SLC14A2: variants seen among roughly 807,000 people sequenced by gnomAD.
SLC14A2 encodes the protein urea transporter 2.
Under a neutral mutation model 104.6 loss-of-function variants are expected in SLC14A2, and 91 were observed. That is an observed-to-expected ratio of 0.87 (90% confidence interval 0.73 to 1.04). The LOEUF is 1.04. SLC14A2 is among the 50% of genes least tolerant of loss of function. The pLI, the probability that SLC14A2 is intolerant of heterozygous loss-of-function variation, is 0.00. For synonymous variants in SLC14A2, 476 were observed against 466.4 expected, an observed-to-expected ratio of 1.02 and a Z score of -0.27; for missense variants, 1,189 against 1,156.0, an observed-to-expected ratio of 1.03 and a Z score of -0.41.
At chr18:45,517,196 T>C (rs968363261) in intron 2 of SLC14A2, among the ~76,000 whole-genome samples, 1 of 152,190 alleles carries the variant, frequency 6.6e-6, no homozygotes, top group African/African-American at 2.4e-5. Context: ...TTCCCACAGA[T>C]TCATCTGCCT....
At chr18:45,277,546 C>T (rs955563748) in intron 1 of SLC14A2, among the ~76,000 whole-genome samples, 26 of 152,218 alleles carry the variant, frequency 1.7e-4, no homozygotes, top group African/African-American at 5.5e-4. Context: ...GTAGCTGGTA[C>T]TATAGGCATA....
At chr18:45,416,192 A>T (rs2086274972) in intron 1 of SLC14A2, among the ~76,000 whole-genome samples, 1 of 151,402 alleles carries the variant, frequency 6.6e-6, no homozygotes, top group African/African-American at 2.4e-5. Flanking sequence ...TCTTTTTTTA[A>T]GGCAGCACTG....
chr18:45,491,820 G>T (rs994173008), intron 2 of SLC14A2, among the ~76,000 whole-genome samples: 2 of 152,202 alleles, frequency 1.3e-5, no homozygotes, highest in Non-Finnish European at 2.9e-5. Flanking sequence ...GGGGTCATTT[G>T]TGGAAAGAGC....
chr18:45,319,107 C>T (rs1196206094), intron 1 of SLC14A2, among the ~76,000 whole-genome samples: 1 of 152,156 alleles, frequency 6.6e-6, no homozygotes, highest in Admixed American at 6.5e-5. Context: ...AATTTCTGCC[C>T]ACCTTTGACC....
At chr18:45,386,395 C>T (rs1241068798) in intron 1 of SLC14A2, among the ~76,000 whole-genome samples, 1 of 152,168 alleles carries the variant, frequency 6.6e-6, no homozygotes, top group African/African-American at 2.4e-5. Flanking sequence ...TCTTCTAGAA[C>T]TCAAAGACCG....
intron 1 of SLC14A2, among the ~76,000 whole-genome samples, chr18:45,364,360 T>C (rs1447664978): frequency 6.6e-6 from 1 of 152,224 alleles, no homozygotes; most frequent in Non-Finnish European, 1.5e-5. Context: ...TATCTCAAAA[T>C]GTCACTATAC....
chr18:45,643,207 A>AC, intron 9 of SLC14A2, 26 bp downstream of exon 9: 5 of 1,604,824 alleles, frequency 3.1e-6, no homozygotes, highest in Non-Finnish European at 4.3e-6. Context: ...CCTGAACACT[A>AC]CCCCAAAGTG....
intron 2 of SLC14A2, among the ~76,000 whole-genome samples, chr18:45,589,752 T>A (rs1261439355): frequency 6.6e-6 from 1 of 152,208 alleles, no homozygotes; most frequent in African/African-American, 2.4e-5. Flanking sequence ...TACTGTCGTT[T>A]CAGACTAACT....
At chr18:45,639,664 G>A (rs2045485650) in intron 6 of SLC14A2, 82 bp from the exon 7 acceptor site, 13 of 1,414,282 alleles carry the variant, frequency 9.2e-6, no homozygotes, top group Non-Finnish European at 1.3e-5. Context: ...ACTCCCCCGA[G>A]GAATGGCTCA....
intron 1 of SLC14A2, among the ~76,000 whole-genome samples, chr18:45,299,720 C>A (rs954701486): frequency 2.6e-5 from 4 of 152,192 alleles, no homozygotes; most frequent in Admixed American, 6.5e-5. Context: ...CCTTGGCCTC[C>A]CAAAGTGCTG....
At chr18:45,390,518 G>A (rs2543010) in intron 1 of SLC14A2, among the ~76,000 whole-genome samples, 104,404 of 152,056 alleles carry the variant, frequency 0.69, 36,564 homozygotes, top group East Asian at 0.88. Flanking sequence ...CACCTAATAA[G>A]TACCAGATAT....
chr18:45,282,930 A>G (rs549494614), intron 1 of SLC14A2, among the ~76,000 whole-genome samples: 1 of 152,300 alleles, frequency 6.6e-6, no homozygotes, highest in South Asian at 2.1e-4. Flanking sequence ...TCAAAAGAAT[A>G]CAAAATCATT....
At position 45,625,841 on chromosome 18, in the gene SLC14A2, G is replaced by T. The variant is rs1228702696; in HGVS notation, c.309G>T (p.Lys103Asn). ...TGGGCTACCTCACGGGCGACATGAA[G>T]GAGTACAGGATCTGGCTGAAAGGTA... is the stretch of plus-strand genomic sequence containing the variant. ...KAVGYLTGDM[K>N]EYRIWLKDKH... is the part of the protein sequence containing the mutation. Residue 103 changes from lysine to asparagine, a missense_variant, in exon 3 of 20, where the codon AAG becomes AAT. Coordinates refer to ENST00000255226, the MANE Select transcript of SLC14A2 (RefSeq NM_007163.4). The T allele has an allele frequency of 1.0e-5, 15 of 1,501,624 alleles. No homozygotes were observed. The highest frequency in any genetic ancestry group is 1.3e-5 in the Non-Finnish European group (15 of 1,128,678). 93.0% of individuals were successfully genotyped at this position (1,501,624 alleles called of 1,614,324 possible).
chr18:45,331,559 C>A (rs924686264), intron 1 of SLC14A2, among the ~76,000 whole-genome samples: 10 of 151,970 alleles, frequency 6.6e-5, no homozygotes, highest in Middle Eastern at 3.4e-3. Context: ...GGCGTGGTGG[C>A]GGACACCTGT....
intron 1 of SLC14A2, among the ~76,000 whole-genome samples, chr18:45,476,581 A>T (rs1040376703): frequency 1.4e-4 from 22 of 152,082 alleles, no homozygotes; most frequent in African/African-American, 3.6e-4. Context: ...GTGTTTTCCA[A>T]CTTGGTTCCA....
the SLC14A2 span, among the ~76,000 whole-genome samples, chr18:45,173,553 G>T: frequency 6.6e-6 from 1 of 152,042 alleles, no homozygotes; most frequent in Non-Finnish European, 1.5e-5. Context: ...TAACCCGAGA[G>T]AAGTCAGGTC....
intron 1 of SLC14A2, among the ~76,000 whole-genome samples, chr18:45,453,420 A>T (rs2086888685): frequency 6.6e-6 from 1 of 152,224 alleles, no homozygotes; most frequent in Admixed American, 6.5e-5. Context: ...GGGCATTTTT[A>T]AAATCAAAAA....
At chr18:45,329,174 A>C (rs1183555548) in intron 1 of SLC14A2, among the ~76,000 whole-genome samples, 2 of 152,168 alleles carry the variant, frequency 1.3e-5, no homozygotes, top group African/African-American at 4.8e-5. Context: ...AGGTCTGGGG[A>C]GAGATGCTGA....
Position 45,347,507 on chromosome 18 carries a change from T to A in SLC14A2, c.-125+134316T>A, listed in dbSNP as rs376023866. On this transcript the variant is annotated intron_variant, in intron 1 of 20. Transcript: ENST00000586448. ...TCCACAAGAATGGGCCATTCCATCC[T>A]TCCTCTATAAATCTGCAGGGCCACC... is the stretch of plus-strand genomic sequence containing the variant. Among the ~76,000 whole-genome samples, 5 of 152,218 alleles carry A rather than the reference T, an allele frequency of 3.3e-5. No homozygotes were observed. In the South Asian group the frequency reaches 1.0e-3, roughly 32 times the overall value.
Sources: gnomAD v4.1 joint callset for allele counts (sites outside exome capture counted in the v4.1 genomes callset) on GRCh38, gnomAD v4.1.1 for gene constraint, MANE v1.5 for transcripts, NCBI Gene and HGNC (gene_info 2026-07-23, HGNC 2026-07-21) for gene names.